The following MARCHF1 variants were observed in gnomAD, a reference collection of about 807,000 sequenced individuals.
MARCHF1 encodes the protein membrane associated ring-CH-type finger 1.
Under a neutral mutation model 54.2 loss-of-function variants are expected in MARCHF1, and 40 were observed. That is an observed-to-expected ratio of 0.74 (90% confidence interval 0.57 to 0.96). The LOEUF is 0.96. MARCHF1 is among the 40% of genes least tolerant of loss of function. The probability of loss-of-function intolerance (pLI) is 0.00; values close to 1 mark genes in which losing one functional copy is unlikely to be tolerated. For missense variants in MARCHF1, 586 were observed against 656.5 expected, an observed-to-expected ratio of 0.89 and a Z score of 1.17; for synonymous variants, 236 against 236.3, an observed-to-expected ratio of 1.00 and a Z score of 0.01.
At chr4:163,550,281 C>CAAAAAAAAAAAAAAAA (rs60320461) in intron 8 of MARCHF1, among the ~76,000 whole-genome samples, 1 of 105,140 alleles carries the variant, frequency 9.5e-6, no homozygotes, top group African/African-American at 3.6e-5. Flanking sequence ...GACTCCGTCT[C>CAAAAAAAAAAAAAAAA]AAAAAAAAAA....
intron 1 of MARCHF1, among the ~76,000 whole-genome samples, chr4:164,339,742 A>G (rs780940838): frequency 6.6e-6 from 1 of 152,148 alleles, no homozygotes; most frequent in Non-Finnish European, 1.5e-5. Flanking sequence ...ATAAATAGAC[A>G]CTAGAGAACA....
At chr4:164,226,337 GA>G (rs1467787585) in intron 1 of MARCHF1, among the ~76,000 whole-genome samples, 2 of 151,982 alleles carry the variant, frequency 1.3e-5, no homozygotes, top group African/African-American at 4.8e-5. Context: ...ATTATGGGGG[GA>G]AAATAAGCTA....
chr4:164,284,187 A>G lies in MARCHF1; in HGVS notation c.-323+99683T>C, dbSNP rs2111345721. 1.3e-5 allele frequency among the ~76,000 whole-genome samples: 2 copies of G among 151,188 alleles called. 1 individual carries two copies. The highest frequency in any genetic ancestry group is 1.3e-4 in the Admixed American group (2 of 14,886). On this transcript the variant is annotated intron_variant, in intron 1 of 9. Transcript: ENST00000514618. ...GGAGAAAATACATATTTTTAGTTTGAATGTGATACTGGATTGTTTTTGATA... is the reference window on the plus strand; with the variant it reads ...GGAGAAAATACATATTTTTAGTTTGGATGTGATACTGGATTGTTTTTGATA...
chr4:163,741,395 G>C (rs1203236214), intron 4 of MARCHF1, among the ~76,000 whole-genome samples: 1 of 151,768 alleles, frequency 6.6e-6, no homozygotes, highest in Non-Finnish European at 1.5e-5. Flanking sequence ...GACAACTCTG[G>C]CCAACATGAT....
chr4:163,830,705 C>T (rs979912014), intron 4 of MARCHF1, among the ~76,000 whole-genome samples: 2 of 151,936 alleles, frequency 1.3e-5, no homozygotes, highest in South Asian at 2.1e-4. Context: ...CTTGAGCCAG[C>T]GGTTCAAGAC....
At chr4:164,338,024 T>C (rs1729803665) in intron 1 of MARCHF1, among the ~76,000 whole-genome samples, 1 of 152,122 alleles carries the variant, frequency 6.6e-6, no homozygotes, top group Non-Finnish European at 1.5e-5. Context: ...ATATGAAGGA[T>C]AAAAACAAAA....
intron 8 of MARCHF1, among the ~76,000 whole-genome samples, chr4:163,574,392 G>C (rs1451599402): frequency 1.3e-5 from 2 of 151,848 alleles, no homozygotes; most frequent in Non-Finnish European, 1.5e-5. Flanking sequence ...CCTTGCCCGT[G>C]CCTATGTCCT....
chr4:164,178,302 C>G (rs1268002814), intron 1 of MARCHF1, among the ~76,000 whole-genome samples: 1 of 152,106 alleles, frequency 6.6e-6, no homozygotes, highest in East Asian at 1.9e-4. Flanking sequence ...CCTGCTCAAC[C>G]TTGATACATC....
intron 8 of MARCHF1, among the ~76,000 whole-genome samples, chr4:163,553,446 T>C (rs1193295660): frequency 1.3e-5 from 2 of 152,204 alleles, no homozygotes; most frequent in Non-Finnish European, 2.9e-5. Flanking sequence ...AATATGTTTT[T>C]CGGAATACTG....
intron 8 of MARCHF1, among the ~76,000 whole-genome samples, chr4:163,555,424 C>A (rs555580648): frequency 6.6e-6 from 1 of 152,300 alleles, no homozygotes; most frequent in East Asian, 1.9e-4. Context: ...CCCCAAAAAA[C>A]TCACCTAAAT....
chr4:163,719,717 G>A (rs1342267386), intron 4 of MARCHF1, among the ~76,000 whole-genome samples: 4 of 151,664 alleles, frequency 2.6e-5, no homozygotes, highest in Non-Finnish European at 4.4e-5. Flanking sequence ...TTTAATGATC[G>A]CCATTCTAAC....
At chr4:164,251,156 C>G (rs1733111627) in intron 1 of MARCHF1, among the ~76,000 whole-genome samples, 1 of 152,140 alleles carries the variant, frequency 6.6e-6, no homozygotes, top group Admixed American at 6.6e-5. Flanking sequence ...CTTCTCTCCT[C>G]TGAGTTATTC....
intron 8 of MARCHF1, among the ~76,000 whole-genome samples, chr4:163,545,947 A>ATG (rs70948653): frequency 0.036 from 5,431 of 148,940 alleles, 186 homozygotes; most frequent in African/African-American, 0.091. Context: ...TTAAATACAT[A>ATG]TGTGTGTGTG....
At chr4:164,130,927 G>C (rs369913654) in intron 1 of MARCHF1, among the ~76,000 whole-genome samples, 7 of 152,072 alleles carry the variant, frequency 4.6e-5, no homozygotes, top group South Asian at 2.1e-4. Context: ...AACTTTCTAG[G>C]ATACGAGACA....
chr4:163,746,848 A>G (rs901007512), intron 4 of MARCHF1, among the ~76,000 whole-genome samples: 5 of 152,184 alleles, frequency 3.3e-5, no homozygotes, highest in African/African-American at 1.2e-4. Context: ...CATCCTCATC[A>G]TTGTGTATCA....
intron 1 of MARCHF1, among the ~76,000 whole-genome samples, chr4:164,363,197 G>T (rs2110931409): frequency 6.6e-6 from 1 of 152,120 alleles, no homozygotes; most frequent in African/African-American, 2.4e-5. Flanking sequence ...TGTAATTACA[G>T]ACTGAACCTG....
chr4:164,182,010 T>C (rs539712914), intron 1 of MARCHF1, among the ~76,000 whole-genome samples: 2 of 152,136 alleles, frequency 1.3e-5, no homozygotes. Context: ...GCTGTACAAT[T>C]AGAACTTCAG....
intron 1 of MARCHF1, among the ~76,000 whole-genome samples, chr4:164,247,911 C>G (rs983441570): frequency 1.9e-4 from 29 of 150,612 alleles, no homozygotes; most frequent in Non-Finnish European, 2.7e-4. Flanking sequence ...AGGAATTGGT[C>G]AAGTTGCATT....
intron 3 of MARCHF1, among the ~76,000 whole-genome samples, chr4:163,945,315 CT>C (rs751270930): frequency 2.4e-4 from 37 of 151,964 alleles, no homozygotes; most frequent in Non-Finnish European, 1.8e-4. Flanking sequence ...CGAGTCAATA[CT>C]ACAAGGAGAA....
Sources: allele counts gnomAD v4.1 joint callset (sites outside exome capture counted in the v4.1 genomes callset), GRCh38; gene constraint gnomAD v4.1.1; transcripts MANE v1.5; gene names NCBI Gene and HGNC (gene_info 2026-07-23, HGNC 2026-07-21).